Variants in EXOC6B observed in about 807,000 individuals in gnomAD.
EXOC6B encodes the protein exocyst complex component 6B, also known as SEC15 homolog B.
In EXOC6B, 54 loss-of-function variants were observed where a neutral mutation model predicts 113.5. That is an observed-to-expected ratio of 0.48 (90% CI 0.38 to 0.60). The LOEUF (loss-of-function observed/expected upper bound fraction) is 0.60. Ranked by LOEUF, EXOC6B falls within the 20% of genes least tolerant of loss-of-function variation. EXOC6B has a pLI of 0.00. For synonymous variants in EXOC6B, 357 were observed against 339.0 expected, an observed-to-expected ratio of 1.05 and a Z score of -0.58; for missense variants, 797 against 977.5, an observed-to-expected ratio of 0.82 and a Z score of 2.46.
At chr2:72,209,300 C>T (rs1680041155) in intron 20 of EXOC6B, among the ~76,000 whole-genome samples, 1 of 150,874 alleles carries the variant, frequency 6.6e-6, no homozygotes, top group African/African-American at 2.4e-5. Flanking sequence ...ACTTAGTTGT[C>T]TCTCCCTTCA....
intron 5 of EXOC6B, among the ~76,000 whole-genome samples, chr2:72,721,390 G>GAAAAAAAAAAAAAAAAAAAAA (rs1679996399): frequency 1.9e-5 from 1 of 52,036 alleles, no homozygotes; most frequent in African/African-American, 8.6e-5. Context: ...AAAAAAAAAT[G>GAAAAAAAAAAAAAAAAAAAAA]AACAAAGAAA....
intron 6 of EXOC6B, among the ~76,000 whole-genome samples, chr2:72,624,648 A>C (rs1198604065): frequency 6.6e-6 from 1 of 152,156 alleles, no homozygotes; most frequent in African/African-American, 2.4e-5. Flanking sequence ...CAGGAGACTG[A>C]GGCAGAAAAA....
At chr2:72,446,615 T>C (rs1338600144) in intron 18 of EXOC6B, among the ~76,000 whole-genome samples, 2 of 152,032 alleles carry the variant, frequency 1.3e-5, no homozygotes, top group Non-Finnish European at 2.9e-5. Context: ...CACTGGGGTG[T>C]ACTAGAGTGG....
At chr2:72,806,030 TA>T (rs1212535824) in intron 1 of EXOC6B, among the ~76,000 whole-genome samples, 1 of 152,182 alleles carries the variant, frequency 6.6e-6, no homozygotes, top group East Asian at 1.9e-4. Context: ...TTTCTTTTTT[TA>T]TCATTTCAAC....
At chr2:72,340,165 T>C (rs771074936) in intron 19 of EXOC6B, among the ~76,000 whole-genome samples, 32 of 152,150 alleles carry the variant, frequency 2.1e-4, no homozygotes, top group Admixed American at 3.9e-4. Context: ...GCAACATATA[T>C]AAAAGAGCAC....
At chr2:72,670,331 G>C (rs571926272) in intron 6 of EXOC6B, among the ~76,000 whole-genome samples, 2 of 151,966 alleles carry the variant, frequency 1.3e-5, no homozygotes, top group African/African-American at 4.8e-5. Context: ...ATTATTAATA[G>C]CTATAAGTTT....
Position 72,495,538 on chromosome 2 carries a change from T to G in EXOC6B, c.1445A>C (p.Gln482Pro), listed in dbSNP as rs1215351177. 6.5e-7 allele frequency: 1 copy of G among 1,531,960 alleles called. No homozygotes were observed. The highest frequency in any genetic ancestry group is 1.1e-5 in the South Asian group (1 of 87,428). 94.9% of individuals were successfully genotyped at this position (1,531,960 alleles called of 1,614,324 possible). Residue 482 changes from glutamine (Q) to proline (P), a missense_variant and splice_region_variant, in exon 15 of 22, where the codon CAA (glutamine) becomes CCA (proline). By Grantham distance (76) the Gln-to-Pro change is moderately conservative. Coordinates refer to ENST00000272427, the MANE Select transcript of EXOC6B (RefSeq NM_015189.3). The part of the protein sequence containing the change: ...FPFQDIELEK[Q>P]PFPKKFPFSE... ...GAAAGGAAACTTTTTTGGAAATGGT[T>G]GCTGTAAATGCAAGAAGTAATGAAA...
chr2:72,509,813 C>T (rs1193904200), intron 11 of EXOC6B, among the ~76,000 whole-genome samples: 1 of 151,610 alleles, frequency 6.6e-6, no homozygotes, highest in Non-Finnish European at 1.5e-5. Flanking sequence ...ATTAATTTTT[C>T]CTTTATTTAT....
At chr2:72,350,963 T>C (rs1689618985) in intron 19 of EXOC6B, among the ~76,000 whole-genome samples, 1 of 152,154 alleles carries the variant, frequency 6.6e-6, no homozygotes, top group Non-Finnish European at 1.5e-5. Flanking sequence ...ACAAATGCTT[T>C]TGTAGGGGAG....
At position 72,700,237 on chromosome 2, in the gene EXOC6B, AACACACACACACACACAC is replaced by A. The variant is rs3034948; in HGVS notation, c.669+17848_669+17865del. On this transcript the variant is annotated intron_variant, in intron 6 of 21. Transcript: ENST00000272427. ...TCCTGTTAGATACAAAGACCACAGA[AACACACACACACACACAC>A]ACACACACACACACACAAAGTTATC... Among the ~76,000 whole-genome samples, 4 of 142,414 alleles carry A rather than the reference AACACACACACACACACAC, an allele frequency of 2.8e-5. No homozygotes were observed. In the Admixed American group the frequency reaches 2.8e-4, roughly 10 times the overall value. The allele number at this position is 142,414 out of a possible 152,430, so 93.4% of individuals were successfully genotyped here. A position where few individuals can be genotyped will look rare whatever the true frequency, so the allele number is the denominator to read the frequency against.
intron 6 of EXOC6B, among the ~76,000 whole-genome samples, chr2:72,597,751 T>C (rs1573460106): frequency 6.6e-6 from 1 of 151,896 alleles, no homozygotes; most frequent in South Asian, 2.1e-4. Flanking sequence ...GGGAAACATA[T>C]ACCACACGAA....
chr2:72,702,773 GT>G (rs1474890844), intron 6 of EXOC6B, among the ~76,000 whole-genome samples: 19 of 109,172 alleles, frequency 1.7e-4, no homozygotes, highest in Non-Finnish European at 1.9e-5. Flanking sequence ...GGGGTTGTTT[GT>G]TTTTTTCTTG....
chr2:72,431,485 T>TTATCTATCTATCTATC (rs3062440), intron 18 of EXOC6B, among the ~76,000 whole-genome samples: 1,656 of 133,860 alleles, frequency 0.012, 28 homozygotes, highest in African/African-American at 0.017. Context: ...CTTGATTTCT[T>TTATCTATCTATCTATC]TATCTATCTA....
chr2:72,637,595 C>G (rs1672938754), intron 6 of EXOC6B, among the ~76,000 whole-genome samples: 1 of 152,060 alleles, frequency 6.6e-6, no homozygotes, highest in African/African-American at 2.4e-5. Context: ...TTGAAACCAG[C>G]CTGGCCAACA....
chr2:72,800,620 C>A (rs1685223760), intron 1 of EXOC6B, among the ~76,000 whole-genome samples: 2 of 152,148 alleles, frequency 1.3e-5, no homozygotes, highest in East Asian at 3.8e-4. Flanking sequence ...CCCTTATTAG[C>A]TCCATTTTAC....
At chr2:72,797,811 A>AAAATTAATTAAT (rs1165302612) in intron 1 of EXOC6B, among the ~76,000 whole-genome samples, 1 of 150,582 alleles carries the variant, frequency 6.6e-6, no homozygotes, top group East Asian at 1.9e-4. Flanking sequence ...ACTTCGTCTC[A>AAAATTAATTAAT]AAATTAATTA....
chr2:72,422,131 G>T (rs924177105), intron 18 of EXOC6B, among the ~76,000 whole-genome samples: 1 of 152,184 alleles, frequency 6.6e-6, no homozygotes, highest in Non-Finnish European at 1.5e-5. Context: ...GGCCCCGTGC[G>T]GCCCGAGCCT....
intron 1 of EXOC6B, among the ~76,000 whole-genome samples, chr2:72,809,574 G>A (rs965861314): frequency 2.7e-5 from 4 of 150,674 alleles, no homozygotes; most frequent in African/African-American, 9.7e-5. Flanking sequence ...AATAAGGACA[G>A]ACATCAATAA....
At chr2:72,410,722 T>C (rs955410898) in intron 18 of EXOC6B, among the ~76,000 whole-genome samples, 1 of 152,218 alleles carries the variant, frequency 6.6e-6, no homozygotes, top group African/African-American at 2.4e-5. Context: ...TTATATTGGT[T>C]GTAAATATTT....
Sources: allele counts gnomAD v4.1 joint callset (sites outside exome capture counted in the v4.1 genomes callset), GRCh38; gene constraint gnomAD v4.1.1; transcripts MANE v1.5; gene names NCBI Gene and HGNC (gene_info 2026-07-23, HGNC 2026-07-21).